USP10: variants seen among roughly 807,000 people sequenced by gnomAD.
USP10 encodes the protein ubiquitin carboxyl-terminal hydrolase 10.
USP10 carries 22 observed loss-of-function variants against 84.5 expected under a neutral mutation model. The ratio of observed to expected loss-of-function variants is 0.26; its 90% CI spans 0.19 to 0.37. USP10 has a LOEUF of 0.37. Ranked by LOEUF, USP10 falls within the 10% of genes least tolerant of loss-of-function variation. The pLI, the probability that USP10 is intolerant of heterozygous loss-of-function variation, is 1.00. For missense variants in USP10, 1,019 were observed against 998.9 expected, an observed-to-expected ratio of 1.02 and a Z score of -0.27; for synonymous variants, 454 against 387.6, an observed-to-expected ratio of 1.17 and a Z score of -2.01.
chr16:84,710,636 G>C (rs1906162152), intron 1 of USP10, among the ~76,000 whole-genome samples: 1 of 152,152 alleles, frequency 6.6e-6, no homozygotes, highest in African/African-American at 2.4e-5. Context: ...GGAAAACTTA[G>C]GTGACTTGTT....
chr16:84,713,833 A>T (rs1567592149), intron 1 of USP10, among the ~76,000 whole-genome samples: 1 of 152,218 alleles, frequency 6.6e-6, no homozygotes, highest in Admixed American at 6.5e-5. Flanking sequence ...TAGTTTGCAG[A>T]GTCAGCCAGG....
At chr16:84,717,987 T>C (rs1907272237) in intron 1 of USP10, among the ~76,000 whole-genome samples, 1 of 152,180 alleles carries the variant, frequency 6.6e-6, no homozygotes, top group Non-Finnish European at 1.5e-5. Context: ...ATATAATTTA[T>C]GGTATTTTCA....
intron 13 of USP10, among the ~76,000 whole-genome samples, chr16:84,776,576 G>T (rs928840199): frequency 2.6e-5 from 4 of 152,124 alleles, no homozygotes; most frequent in Admixed American, 1.3e-4. Flanking sequence ...TGGCTCCTTG[G>T]AGTGTGGCAC....
intron 11 of USP10, among the ~76,000 whole-genome samples, chr16:84,770,743 G>T (rs1914350594): frequency 6.7e-6 from 1 of 149,528 alleles, no homozygotes; most frequent in East Asian, 2.0e-4. Flanking sequence ...CTGCAGTCCG[G>T]CCTGGGCGAC....
At chr16:84,756,146 G>A (rs1374331687) in intron 4 of USP10, among the ~76,000 whole-genome samples, 1 of 149,818 alleles carries the variant, frequency 6.7e-6, no homozygotes, top group African/African-American at 2.5e-5. Context: ...TGTGTGTTTG[G>A]AGCCAGGGAC....
chr16:84,746,787 C>G (rs766967520), intron 4 of USP10, among the ~76,000 whole-genome samples: 1 of 152,120 alleles, frequency 6.6e-6, no homozygotes, highest in Non-Finnish European at 1.5e-5. Context: ...AAGAAATTAA[C>G]CTTAACCTAC....
Position 84,745,612 on chromosome 16 carries a change from G to A in USP10, c.1131G>A (p.Gln377=). 6.2e-7 allele frequency: 1 copy of A among 1,613,620 alleles called. No individual in the cohort carries two copies. Among genetic ancestry groups the A allele is most frequent in the South Asian group, 1.1e-5 (1 of 90,966 alleles). Residue 377 remains glutamine (Q), a synonymous_variant, in exon 4 of 14, where the codon CAG becomes CAA. Coordinates refer to ENST00000219473, the MANE Select transcript of USP10 (RefSeq NM_005153.3). Reference sequence around the variant, plus strand: ...TATCTCCCCTGGTTTCTGAAAAGCAGGTTGAAGTCAAAGAAGGGCTTGTTC... The same window carrying A: ...TATCTCCCCTGGTTTCTGAAAAGCAAGTTGAAGTCAAAGAAGGGCTTGTTC... ...PAISPLVSEK[Q]VEVKEGLVPV...
At chr16:84,758,407 A>G (rs1341725686) in intron 4 of USP10, among the ~76,000 whole-genome samples, 2 of 152,318 alleles carry the variant, frequency 1.3e-5, no homozygotes, top group East Asian at 3.9e-4. Flanking sequence ...TCTATTCTCT[A>G]ATAATGATAC....
chr16:84,723,657 C>G (rs1298695826), intron 1 of USP10, among the ~76,000 whole-genome samples: 1 of 152,232 alleles, frequency 6.6e-6, no homozygotes, highest in East Asian at 1.9e-4. Flanking sequence ...TATGCCAAGT[C>G]TACTGCATTA....
chr16:84,713,532 A>G (rs532356996), intron 1 of USP10, among the ~76,000 whole-genome samples: 16 of 152,114 alleles, frequency 1.1e-4, no homozygotes, highest in South Asian at 6.2e-4. Flanking sequence ...TGAGGCCCCA[A>G]TGTAAGCTCC....
intron 11 of USP10, among the ~76,000 whole-genome samples, chr16:84,771,988 G>A (rs1308683049): frequency 6.6e-6 from 1 of 152,174 alleles, no homozygotes; most frequent in Non-Finnish European, 1.5e-5. Context: ...GTTTACGACT[G>A]GACTTCAGGG....
chr16:84,738,674 A>G (rs1910241006), intron 2 of USP10, among the ~76,000 whole-genome samples: 1 of 152,216 alleles, frequency 6.6e-6, no homozygotes, highest in East Asian at 1.9e-4. Context: ...TGGTGGAGAT[A>G]AGTGCAGCTG....
At chr16:84,762,202 A>G (rs1447065948) in intron 8 of USP10, among the ~76,000 whole-genome samples, 2 of 152,210 alleles carry the variant, frequency 1.3e-5, no homozygotes, top group Non-Finnish European at 2.9e-5. Context: ...GAGTTTTTCC[A>G]CATGTAGTTT....
intron 9 of USP10, 56 bp from the exon 10 acceptor site, chr16:84,764,030 T>C (rs1470553587): frequency 7.2e-6 from 11 of 1,525,680 alleles, no homozygotes; most frequent in Non-Finnish European, 9.6e-6. Flanking sequence ...TGTGCCTTTT[T>C]TTTTTTTGCT....
intron 1 of USP10, among the ~76,000 whole-genome samples, chr16:84,723,621 A>G (rs1016601926): frequency 1.3e-5 from 2 of 152,216 alleles, no homozygotes; most frequent in African/African-American, 4.8e-5. Context: ...TCATTTGTTC[A>G]ACAAAGCTAT....
At chr16:84,775,332 C>A in intron 13 of USP10, 107 bp downstream of exon 13, 1 of 1,112,964 alleles carries the variant, frequency 9.0e-7, no homozygotes, top group Non-Finnish European at 1.4e-6. Flanking sequence ...ATGCTGTACT[C>A]AGGTATCCCT....
chr16:84,704,300 G>A (rs73261576), intron 1 of USP10, among the ~76,000 whole-genome samples: 6 of 152,368 alleles, frequency 3.9e-5, no homozygotes, highest in Non-Finnish European at 8.8e-5. Flanking sequence ...AATATGAAAC[G>A]TAGTGGGAAG....
rs74549091 is a variant in USP10, at chr16:84,763,406, C to G, written c.1654+318C>G. On this transcript the variant is annotated intron_variant, in intron 9 of 13. Coordinates refer to ENST00000219473, the MANE Select transcript of USP10 (RefSeq NM_005153.3). ...CATATTTTCTGATGCTATACACACA[C>G]TGTGTATATATATATATGTCTTATC... Among the ~76,000 whole-genome samples the G allele has an allele frequency of 9.3e-3, 1,418 of 152,266 alleles. 20 individuals carry two copies. Among genetic ancestry groups the G allele is most frequent in the African/African-American group, 0.032 (1,343 of 41,514 alleles).
rs1197021957 is a variant in USP10 at position 84,740,265 on chromosome 16, A to T, written c.91-44A>T. 3 of 1,577,900 alleles carry T rather than the reference A, an allele frequency of 1.9e-6. No individual in the cohort carries two copies. In the Admixed American group the frequency reaches 5.2e-5, roughly 27 times the overall value. On this transcript the variant is annotated intron_variant, in intron 2 of 13. Transcript: ENST00000219473. ...TAATTAAATGGTAAGCGTTGGTTTT[A>T]ACATTTTGTTGAATTAAAATTTGTT...
Sources: allele counts gnomAD v4.1 joint callset (sites outside exome capture counted in the v4.1 genomes callset), GRCh38; gene constraint gnomAD v4.1.1; transcripts MANE v1.5; gene names NCBI Gene and HGNC (gene_info 2026-07-23, HGNC 2026-07-21).